The following AGBL1 variants were observed in gnomAD, a reference collection of about 807,000 sequenced individuals.
AGBL1 encodes cytosolic carboxypeptidase 4.
AGBL1 carries 130 observed loss-of-function variants against 118.9 expected under a neutral mutation model. The ratio of observed to expected loss-of-function variants is 1.09; its 90% CI spans 0.95 to 1.26. The LOEUF is 1.26. Among genes scored for constraint, AGBL1 ranks in the 50% most tolerant of loss-of-function variants. The pLI, the probability that AGBL1 is intolerant of heterozygous loss-of-function variation, is 0.00. For missense variants in AGBL1, 1,584 were observed against 1,298.1 expected (o/e 1.22, Z -3.38); for synonymous variants, 555 against 478.9 (o/e 1.16, Z -2.08).
chr15:86,337,769 A>C lies in AGBL1; in HGVS notation c.2374+42361A>C, dbSNP rs2080395975. 2.0e-5 allele frequency among the ~76,000 whole-genome samples: 3 copies of C among 152,200 alleles called. No individual in the cohort carries two copies. In the South Asian group the frequency reaches 6.2e-4, roughly 31 times the overall value. ...CTGATGCATGCTGGGTTTAATACCT[A>C]GGTGATAGGTTGATAAGTGCAGCAA... On this transcript the variant is annotated intron_variant, in intron 17 of 22. Transcript: ENST00000614907.
chr15:86,339,610 C>T (rs111354623), intron 17 of AGBL1, among the ~76,000 whole-genome samples: 3,017 of 152,256 alleles, frequency 0.02, 40 homozygotes, highest in Middle Eastern at 0.065. Flanking sequence ...TCTTTCCCTC[C>T]ATTCTGCTGT....
chr15:86,646,920 G>T (rs930341289), intron 21 of AGBL1, among the ~76,000 whole-genome samples: 15 of 152,108 alleles, frequency 9.9e-5, no homozygotes, highest in Admixed American at 9.8e-4. Flanking sequence ...TCCAGGAAAA[G>T]TTGAATTAAT....
intron 22 of AGBL1, among the ~76,000 whole-genome samples, chr15:86,819,403 A>G (rs2078908782): frequency 6.6e-6 from 1 of 152,002 alleles, no homozygotes; most frequent in Non-Finnish European, 1.5e-5. Context: ...TCTCAGCCCA[A>G]AACCTCCTTA....
At chr15:86,420,013 G>T (rs1045555735) in intron 18 of AGBL1, among the ~76,000 whole-genome samples, 12 of 152,160 alleles carry the variant, frequency 7.9e-5, no homozygotes, top group African/African-American at 2.9e-4. Context: ...GAGCACCTGG[G>T]GGAAGGGGTG....
intron 5 of AGBL1, among the ~76,000 whole-genome samples, chr15:86,199,110 TTTTA>T (rs1283895805): frequency 1.3e-5 from 2 of 152,078 alleles, no homozygotes; most frequent in Admixed American, 1.3e-4. Context: ...TTTGTTTACT[TTTTA>T]TTTTTTTAAC....
At chr15:86,262,565 C>T (rs2142028524) in intron 9 of AGBL1, 1 of 617,496 alleles carries the variant, frequency 1.6e-6, no homozygotes, top group East Asian at 3.1e-5. Flanking sequence ...TAAATACTGA[C>T]ATAAATGCTG....
intron 21 of AGBL1, among the ~76,000 whole-genome samples, chr15:86,587,581 G>A (rs1567071998): frequency 6.6e-6 from 1 of 152,172 alleles, no homozygotes; most frequent in Non-Finnish European, 1.5e-5. Flanking sequence ...AAGGCATAAA[G>A]GCCAAGTGGC....
intron 17 of AGBL1, among the ~76,000 whole-genome samples, chr15:86,307,283 A>G (rs1483451009): frequency 6.6e-6 from 1 of 152,170 alleles, no homozygotes; most frequent in Non-Finnish European, 1.5e-5. Flanking sequence ...TTTGTTCTAT[A>G]AATGATTTAT....
At chr15:87,025,042 T>A (rs1897653) in intron 24 of AGBL1, among the ~76,000 whole-genome samples, 6,185 of 152,072 alleles carry the variant, frequency 0.041, 408 homozygotes, top group African/African-American at 0.14. Context: ...GGGGAAAAGT[T>A]GAAAGCATTC....
At chr15:86,887,421 C>T (rs538150132) in intron 22 of AGBL1, among the ~76,000 whole-genome samples, 1 of 152,336 alleles carries the variant, frequency 6.6e-6, no homozygotes, top group East Asian at 1.9e-4. Context: ...TCAGACTTCA[C>T]TGAGCTCAAC....
At chr15:86,648,019 A>T (rs978812568) in intron 21 of AGBL1, among the ~76,000 whole-genome samples, 3 of 152,310 alleles carry the variant, frequency 2.0e-5, no homozygotes, top group Admixed American at 2.0e-4. Flanking sequence ...ATAAGGAATG[A>T]GTAGAGTGTT....
Position 86,900,978 on chromosome 15 carries a change from T to G in AGBL1, c.3159-6109T>G, listed in dbSNP as rs189320740. Among the ~76,000 whole-genome samples, 244 of 152,308 alleles carry G rather than the reference T, an allele frequency of 1.6e-3. 1 individual carries two copies. The highest frequency in any genetic ancestry group is 5.7e-3 in the African/African-American group (236 of 41,578). On this transcript the variant is annotated intron_variant, in intron 22 of 22. Coordinates refer to ENST00000614907, the MANE Select transcript of AGBL1 (RefSeq NM_001386094.1). ...TATTAGCTATTCTTATTTTACTTAG[T>G]GTAAACCTCACTTTTTAATGTTTTC...
chr15:86,134,495 T>C (rs556473905), intron 1 of AGBL1, among the ~76,000 whole-genome samples: 1 of 152,110 alleles, frequency 6.6e-6, no homozygotes, highest in Non-Finnish European at 1.5e-5. Flanking sequence ...ATGGACTGTT[T>C]TTTTCCCAGT....
intron 17 of AGBL1, among the ~76,000 whole-genome samples, chr15:86,320,625 C>T (rs141367126): frequency 1.5e-3 from 230 of 151,628 alleles, no homozygotes; most frequent in African/African-American, 4.7e-3. Flanking sequence ...TTATTATATG[C>T]GGTGATAGTG....
At chr15:86,760,530 C>T (rs959136267) in intron 22 of AGBL1, among the ~76,000 whole-genome samples, 5 of 152,034 alleles carry the variant, frequency 3.3e-5, no homozygotes, top group African/African-American at 1.2e-4. Context: ...AGAGAGATGT[C>T]TTTGCTGCTT....
chr15:86,294,379 G>T (rs1373271375), intron 16 of AGBL1, among the ~76,000 whole-genome samples: 1 of 126,808 alleles, frequency 7.9e-6, no homozygotes, highest in Non-Finnish European at 1.6e-5. Context: ...AGCCTGCCTG[G>T]TTGACAGAGT....
At chr15:86,095,170 C>T (rs930704669) in intron 1 of AGBL1, among the ~76,000 whole-genome samples, 1 of 152,170 alleles carries the variant, frequency 6.6e-6, no homozygotes, top group Non-Finnish European at 1.5e-5. Context: ...AGTTAGGGTG[C>T]ACCACCCTAC....
chr15:86,362,932 G>C (rs1325956891), intron 17 of AGBL1, among the ~76,000 whole-genome samples: 2 of 152,198 alleles, frequency 1.3e-5, no homozygotes, highest in Non-Finnish European at 2.9e-5. Flanking sequence ...CTCAGGATTT[G>C]CAGTTTAACC....
At chr15:86,925,027 G>A (rs1168934627) in intron 23 of AGBL1, among the ~76,000 whole-genome samples, 1 of 151,670 alleles carries the variant, frequency 6.6e-6, no homozygotes, top group Non-Finnish European at 1.5e-5. Flanking sequence ...GCTTGAACCC[G>A]GGAGGTGGAG....
Sources: allele counts gnomAD v4.1 joint callset (sites outside exome capture counted in the v4.1 genomes callset), GRCh38; gene constraint gnomAD v4.1.1; transcripts MANE v1.5; gene names NCBI Gene and HGNC (gene_info 2026-07-23, HGNC 2026-07-21).